Variants in SPMIP2 observed in about 807,000 individuals in gnomAD.
SPMIP2 encodes the protein protein SPMIP2.
the SPMIP2 span, among the ~76,000 whole-genome samples, chr4:158,936,974 C>T: frequency 2.0e-5 from 3 of 152,180 alleles, no homozygotes; most frequent in Admixed American, 6.5e-5. Context: ...TACTATAAGG[C>T]ATGATCACCC....
At chr4:158,982,004 T>C in the SPMIP2 span, among the ~76,000 whole-genome samples, 2 of 151,818 alleles carry the variant, frequency 1.3e-5, no homozygotes, top group African/African-American at 4.8e-5. Flanking sequence ...AAGACACAAA[T>C]AGGCTCAAAA....
At chr4:159,062,867 T>G in the SPMIP2 span, among the ~76,000 whole-genome samples, 1 of 151,432 alleles carries the variant, frequency 6.6e-6, no homozygotes, top group Non-Finnish European at 1.5e-5. Context: ...TTTTTTTTTT[T>G]TTTTTGTAGA....
At chr4:158,993,574 A>T in the SPMIP2 span, among the ~76,000 whole-genome samples, 8 of 151,932 alleles carry the variant, frequency 5.3e-5, no homozygotes, top group Admixed American at 5.2e-4. Flanking sequence ...TCACTGATTT[A>T]TTCATTTATT....
the SPMIP2 span, among the ~76,000 whole-genome samples, chr4:159,000,917 A>G: frequency 6.6e-6 from 1 of 152,118 alleles, no homozygotes; most frequent in African/African-American, 2.4e-5. Context: ...CTATTGATGG[A>G]CTTTGGGGTT....
the SPMIP2 span, among the ~76,000 whole-genome samples, chr4:158,964,183 AAAAC>A: frequency 0.32 from 26,413 of 82,502 alleles, 4,115 homozygotes; most frequent in Non-Finnish European, 0.45. Context: ...AAAACAAAAC[AAAAC>A]AAAAAACATG....
chr4:158,965,664 T>C, the SPMIP2 span, among the ~76,000 whole-genome samples: 10 of 79,902 alleles, frequency 1.3e-4, no homozygotes, highest in African/African-American at 4.9e-4. Context: ...CTTAAGTTTC[T>C]ATTTAAAAAA....
the SPMIP2 span, among the ~76,000 whole-genome samples, chr4:159,063,016 T>C: frequency 6.6e-6 from 1 of 152,032 alleles, no homozygotes; most frequent in African/African-American, 2.4e-5. Context: ...ATGGTCTCTA[T>C]CTCAAATAAG....
chr4:159,031,347 A>G, the SPMIP2 span, among the ~76,000 whole-genome samples: 41 of 152,250 alleles, frequency 2.7e-4, no homozygotes, highest in African/African-American at 9.4e-4. Flanking sequence ...ACAGAGAATA[A>G]AGGAACAAGT....
chr4:159,020,544 C>T, the SPMIP2 span, among the ~76,000 whole-genome samples: 35 of 152,242 alleles, frequency 2.3e-4, no homozygotes, highest in African/African-American at 7.7e-4. Flanking sequence ...ACCTTCTGCC[C>T]CTGGGCCGGT....
the SPMIP2 span, among the ~76,000 whole-genome samples, chr4:159,032,888 G>A: frequency 2.0e-5 from 3 of 150,938 alleles, no homozygotes; most frequent in African/African-American, 7.3e-5. Context: ...ATGCAAAATA[G>A]TATAGCTAGT....
the SPMIP2 span, among the ~76,000 whole-genome samples, chr4:159,021,330 C>G: frequency 1.3e-5 from 2 of 152,180 alleles, no homozygotes; most frequent in African/African-American, 4.8e-5. Context: ...ATGCTGTGGA[C>G]CAGGACAACT....
At chr4:159,012,393 T>C in the SPMIP2 span, among the ~76,000 whole-genome samples, 4 of 152,038 alleles carry the variant, frequency 2.6e-5, no homozygotes, top group Non-Finnish European at 4.4e-5. Flanking sequence ...TGATCGAAAA[T>C]ACCATAATTC....
chr4:159,052,005 T>C, the SPMIP2 span, among the ~76,000 whole-genome samples: 1 of 151,942 alleles, frequency 6.6e-6, no homozygotes, highest in Non-Finnish European at 1.5e-5. Flanking sequence ...CTCACTGGAA[T>C]TCTGGATGCT....
At chr4:158,970,038 A>G in the SPMIP2 span, among the ~76,000 whole-genome samples, 1 of 152,318 alleles carries the variant, frequency 6.6e-6, no homozygotes, top group Middle Eastern at 3.4e-3. Context: ...CCACACTGAG[A>G]AGTTTACCAG....
the SPMIP2 span, among the ~76,000 whole-genome samples, chr4:159,018,393 C>T: frequency 6.6e-6 from 1 of 152,180 alleles, no homozygotes; most frequent in African/African-American, 2.4e-5. Flanking sequence ...ACATGTAGTC[C>T]AATGGGCTCA....
the SPMIP2 span, among the ~76,000 whole-genome samples, chr4:158,983,479 A>C: frequency 6.6e-6 from 1 of 151,912 alleles, no homozygotes; most frequent in South Asian, 2.1e-4. Flanking sequence ...GAAACTCTGC[A>C]AGCCAGAAGA....
At chr4:158,928,721 C>G in the SPMIP2 span, among the ~76,000 whole-genome samples, 1 of 152,174 alleles carries the variant, frequency 6.6e-6, no homozygotes, top group African/African-American at 2.4e-5. Flanking sequence ...ATAAATCTTG[C>G]TACTGCTCAG....
chr4:159,009,986 T>C, the SPMIP2 span, among the ~76,000 whole-genome samples: 1 of 152,072 alleles, frequency 6.6e-6, no homozygotes, highest in African/African-American at 2.4e-5. Context: ...AGAGGAGACT[T>C]TGTCACAAAA....
chr4:158,976,221 T>C, the SPMIP2 span, among the ~76,000 whole-genome samples: 1 of 152,204 alleles, frequency 6.6e-6, no homozygotes, highest in South Asian at 2.1e-4. Flanking sequence ...TATATAATCA[T>C]GTCATCTGCA....
Sources: allele counts gnomAD v4.1 joint callset (sites outside exome capture counted in the v4.1 genomes callset), GRCh38; gene constraint gnomAD v4.1.1; transcripts MANE v1.5; gene names NCBI Gene and HGNC (gene_info 2026-07-23, HGNC 2026-07-21).